The following FHIT variants were observed in gnomAD, a reference collection of about 807,000 sequenced individuals.
FHIT encodes fragile histidine triad diadenosine triphosphatase.
A neutral mutation model predicts 17.9 loss-of-function variants in FHIT; 19 were observed. The observed-to-expected ratio is 1.06, with a 90% CI of 0.74 to 1.56. The LOEUF is 1.56. FHIT is among the 40% of genes most tolerant of loss of function. The pLI is 0.00. For missense variants in FHIT, 248 were observed against 189.2 expected (o/e 1.31, Z -1.82); for synonymous variants, 81 against 69.7 (o/e 1.16, Z -0.81).
At chr3:61,189,559 T>C (rs1278092637) in intron 2 of FHIT, among the ~76,000 whole-genome samples, 24 of 152,362 alleles carry the variant, frequency 1.6e-4, no homozygotes, top group Admixed American at 9.8e-4. Flanking sequence ...CCAATGACTT[T>C]CTTCACAGAA....
chr3:59,975,404 T>C (rs937666447), intron 7 of FHIT, among the ~76,000 whole-genome samples: 1 of 152,076 alleles, frequency 6.6e-6, no homozygotes, highest in Non-Finnish European at 1.5e-5. Context: ...TACTATGAAA[T>C]GTAATGAGAT....
intron 5 of FHIT, among the ~76,000 whole-genome samples, chr3:60,353,077 A>C (rs1473722226): frequency 1.3e-5 from 2 of 152,184 alleles, no homozygotes; most frequent in African/African-American, 4.8e-5. Context: ...TAACAAGATA[A>C]ATTTGAAATC....
At chr3:60,569,755 A>ATT (rs1553654909) in intron 4 of FHIT, among the ~76,000 whole-genome samples, 61 of 77,320 alleles carry the variant, frequency 7.9e-4, no homozygotes, top group Non-Finnish European at 1.1e-3. Context: ...ATATATATAT[A>ATT]TTTTTTTTTT....
intron 5 of FHIT, among the ~76,000 whole-genome samples, chr3:60,506,569 T>C (rs1161293811): frequency 6.6e-6 from 1 of 152,210 alleles, no homozygotes; most frequent in East Asian, 1.9e-4. Flanking sequence ...TACTTTGCTT[T>C]ACTGATTTCA....
At chr3:61,132,273 C>T (rs1024451989) in intron 2 of FHIT, among the ~76,000 whole-genome samples, 1 of 152,230 alleles carries the variant, frequency 6.6e-6, no homozygotes, top group African/African-American at 2.4e-5. Context: ...TACATGAGAT[C>T]ACCAGTTCTC....
intron 2 of FHIT, among the ~76,000 whole-genome samples, chr3:61,138,269 G>C (rs1283112765): frequency 6.6e-6 from 1 of 152,184 alleles, no homozygotes; most frequent in Non-Finnish European, 1.5e-5. Flanking sequence ...GTGGATCTTT[G>C]ATCTACTGAG....
At chr3:60,184,554 C>T (rs537387522) in intron 5 of FHIT, among the ~76,000 whole-genome samples, 12 of 152,268 alleles carry the variant, frequency 7.9e-5, no homozygotes, top group Admixed American at 1.3e-4. Context: ...ATCATAGCAA[C>T]GTCCATATTA....
At chr3:60,509,392 G>A (rs1253232083) in intron 5 of FHIT, among the ~76,000 whole-genome samples, 1 of 152,216 alleles carries the variant, frequency 6.6e-6, no homozygotes, top group East Asian at 1.9e-4. Flanking sequence ...ATAAGTAGAA[G>A]CTGATTCTCA....
chr3:60,927,745 G>A (rs1227534895), intron 3 of FHIT, among the ~76,000 whole-genome samples: 2 of 148,572 alleles, frequency 1.3e-5, no homozygotes, highest in South Asian at 2.2e-4. Flanking sequence ...GCCCCCACCC[G>A]GCAGCCGCCC....
chr3:60,531,272 CTCT>C (rs1176266379), intron 5 of FHIT, among the ~76,000 whole-genome samples: 1 of 120,646 alleles, frequency 8.3e-6, no homozygotes, highest in Non-Finnish European at 1.6e-5. Flanking sequence ...TTGAAAAGAA[CTCT>C]TTTTTTTTTT....
chr3:60,194,904 A>G (rs1281522413), intron 5 of FHIT, among the ~76,000 whole-genome samples: 1 of 152,140 alleles, frequency 6.6e-6, no homozygotes, highest in Non-Finnish European at 1.5e-5. Context: ...GGTGGCTCAC[A>G]CCTGTAATCC....
intron 5 of FHIT, among the ~76,000 whole-genome samples, chr3:60,488,241 G>A (rs888504082): frequency 1.3e-5 from 2 of 152,158 alleles, no homozygotes; most frequent in Non-Finnish European, 2.9e-5. Flanking sequence ...GAGATGCTCG[G>A]TCCATCGACA....
chr3:60,255,745 T>C (rs1295379843), intron 5 of FHIT, among the ~76,000 whole-genome samples: 1 of 152,158 alleles, frequency 6.6e-6, no homozygotes, highest in Non-Finnish European at 1.5e-5. Context: ...GTCTGCAGCC[T>C]TAGATGGATA....
At chr3:60,537,658 TG>T in intron 4 of FHIT, among the ~76,000 whole-genome samples, 1 of 152,042 alleles carries the variant, frequency 6.6e-6, no homozygotes, top group Non-Finnish European at 1.5e-5. Flanking sequence ...GGGAAAGCCA[TG>T]GGGGGCCGGG....
chr3:60,440,621 C>T (rs1270216537), intron 5 of FHIT, among the ~76,000 whole-genome samples: 3 of 152,040 alleles, frequency 2.0e-5, no homozygotes, highest in Non-Finnish European at 4.4e-5. Flanking sequence ...CATGTAAACT[C>T]ATTTATGTCA....
intron 7 of FHIT, among the ~76,000 whole-genome samples, chr3:59,932,095 C>G (rs1045795808): frequency 3.3e-5 from 5 of 152,080 alleles, no homozygotes; most frequent in African/African-American, 1.2e-4. Flanking sequence ...TTGGCAAGTT[C>G]TTCTTCAATT....
chr3:60,935,762 T>C (rs781903169), intron 3 of FHIT, among the ~76,000 whole-genome samples: 40 of 152,210 alleles, frequency 2.6e-4, no homozygotes, highest in Non-Finnish European at 4.3e-4. Flanking sequence ...TTAGGAAATA[T>C]GTACAGAGAA....
chr3:59,784,138 A>G (rs1366972488), intron 8 of FHIT, among the ~76,000 whole-genome samples: 6 of 152,198 alleles, frequency 3.9e-5, no homozygotes, highest in Non-Finnish European at 5.9e-5. Flanking sequence ...TGTGAGTCAT[A>G]TCACTCAGAA....
chr3:60,772,488 A>G (rs1259642257), intron 4 of FHIT, among the ~76,000 whole-genome samples: 2 of 152,132 alleles, frequency 1.3e-5, no homozygotes, highest in Admixed American at 6.5e-5. Context: ...TGTTGTATCA[A>G]TGAGAAAATT....
Sources: allele counts gnomAD v4.1 joint callset (sites outside exome capture counted in the v4.1 genomes callset), GRCh38; gene constraint gnomAD v4.1.1; transcripts MANE v1.5; gene names NCBI Gene and HGNC (gene_info 2026-07-23, HGNC 2026-07-21).